UBE2L3: variants seen among roughly 807,000 people sequenced by gnomAD.
UBE2L3 encodes ubiquitin conjugating enzyme E2 L3.
A neutral mutation model predicts 17.8 loss-of-function variants in UBE2L3; 1 was observed. The observed-to-expected ratio is 0.06, with a 90% CI of 0.02 to 0.27. The LOEUF (loss-of-function observed/expected upper bound fraction) is 0.27. Ranked by LOEUF, UBE2L3 falls within the 10% of genes least tolerant of loss-of-function variation. The pLI, the probability that UBE2L3 is intolerant of heterozygous loss-of-function variation, is 1.00. For synonymous variants in UBE2L3, 44 were observed against 68.5 expected, an observed-to-expected ratio of 0.64 and a Z score of 1.76; for missense variants, 40 against 192.6, an observed-to-expected ratio of 0.21 and a Z score of 4.69.
At chr22:21,571,303 C>G (rs886272547) in intron 1 of UBE2L3, among the ~76,000 whole-genome samples, 1 of 152,212 alleles carries the variant, frequency 6.6e-6, no homozygotes, top group Non-Finnish European at 1.5e-5. Context: ...ACACTGCACA[C>G]ATTTCCCCTA....
intron 1 of UBE2L3, among the ~76,000 whole-genome samples, chr22:21,584,649 C>T (rs1432862844): frequency 6.7e-6 from 1 of 150,204 alleles, no homozygotes; most frequent in Non-Finnish European, 1.5e-5. Flanking sequence ...CCAGGCTGGT[C>T]TCCAACTCCT....
chr22:21,589,647 T>A (rs1030012378), intron 1 of UBE2L3, among the ~76,000 whole-genome samples: 3 of 152,144 alleles, frequency 2.0e-5, no homozygotes, highest in Non-Finnish European at 4.4e-5. Flanking sequence ...CAGAGTCGTA[T>A]CTGGATGCCA....
chr22:21,607,690 ACT>A (rs890737177), intron 2 of UBE2L3, among the ~76,000 whole-genome samples: 36 of 151,450 alleles, frequency 2.4e-4, no homozygotes, highest in African/African-American at 7.5e-4. Flanking sequence ...AGGCCAAAAG[ACT>A]CTTTGCTGAG....
intron 1 of UBE2L3, among the ~76,000 whole-genome samples, chr22:21,573,050 A>G (rs923212959): frequency 6.6e-6 from 1 of 152,072 alleles, no homozygotes; most frequent in African/African-American, 2.4e-5. Flanking sequence ...TGTTTGTGGT[A>G]GACACCTGCA....
At chr22:21,618,853 A>C (rs1259670145) in intron 3 of UBE2L3, among the ~76,000 whole-genome samples, 1 of 151,800 alleles carries the variant, frequency 6.6e-6, no homozygotes, top group African/African-American at 2.4e-5. Context: ...TGGCCTCCCA[A>C]AGTGCTGGGA....
At chr22:21,579,635 T>C (rs552294657) in intron 1 of UBE2L3, among the ~76,000 whole-genome samples, 30 of 152,010 alleles carry the variant, frequency 2.0e-4, no homozygotes, top group Non-Finnish European at 3.7e-4. Context: ...ACTGGGCATA[T>C]TGGCACATGC....
At chr22:21,595,629 A>C (rs1352811115) in intron 2 of UBE2L3, among the ~76,000 whole-genome samples, 3 of 151,682 alleles carry the variant, frequency 2.0e-5, no homozygotes, top group African/African-American at 7.3e-5. Flanking sequence ...TGCCAACGCA[A>C]CTCTGGTCTA....
intron 3 of UBE2L3, among the ~76,000 whole-genome samples, chr22:21,612,932 C>G (rs1003176054): frequency 6.6e-6 from 1 of 152,152 alleles, no homozygotes; most frequent in Non-Finnish European, 1.5e-5. Flanking sequence ...CCATCATGCC[C>G]GGCGAGCCTG....
chr22:21,605,104 T>C, intron 2 of UBE2L3, among the ~76,000 whole-genome samples: 1 of 152,230 alleles, frequency 6.6e-6, no homozygotes, highest in Non-Finnish European at 1.5e-5. Flanking sequence ...TGGCTGGGAC[T>C]ACAGGTGTGC....
At chr22:21,593,347 A>G (rs753417233) in intron 2 of UBE2L3, among the ~76,000 whole-genome samples, 1 of 152,000 alleles carries the variant, frequency 6.6e-6, no homozygotes, top group African/African-American at 2.4e-5. Context: ...TTTTGCATTC[A>G]TGTCTCTAAC....
chr22:21,588,492 G>T lies in UBE2L3; in HGVS notation c.28-4369G>T, dbSNP rs181089926. ...TTTTTTTTTTTTTTTTTTTGAGATA[G>T]GGTCTCACTCTAGTTGCCCTGGCTG... On this transcript the variant is annotated intron_variant, in intron 1 of 3. Transcript: ENST00000342192. 3.6e-3 allele frequency among the ~76,000 whole-genome samples: 465 copies of T among 127,802 alleles called. 2 individuals carry two copies. The highest frequency in any genetic ancestry group is 0.014 in the African/African-American group (444 of 31,870). The allele number at this position is 127,802 out of a possible 152,430, so 83.8% of individuals were successfully genotyped here. A position where few individuals can be genotyped will look rare whatever the true frequency, so the allele number is the denominator to read the frequency against.
chr22:21,610,011 C>T (rs1271447017), intron 2 of UBE2L3, among the ~76,000 whole-genome samples: 3 of 151,988 alleles, frequency 2.0e-5, no homozygotes, highest in Non-Finnish European at 4.4e-5. Context: ...GGGCAACAGA[C>T]TCTGAAAAAA....
chr22:21,586,813 C>T (rs1458702854), intron 1 of UBE2L3, among the ~76,000 whole-genome samples: 1 of 151,548 alleles, frequency 6.6e-6, no homozygotes. Context: ...AGTGATCCAC[C>T]CGCCTCAGCC....
At chr22:21,596,110 C>T (rs1928508792) in intron 2 of UBE2L3, among the ~76,000 whole-genome samples, 1 of 152,160 alleles carries the variant, frequency 6.6e-6, no homozygotes, top group Non-Finnish European at 1.5e-5. Flanking sequence ...GTGATCCACC[C>T]TCCTCAGTCT....
upstream of UBE2L3, among the ~76,000 whole-genome samples, chr22:21,564,077 A>G (rs1601386701): frequency 7.0e-6 from 1 of 143,094 alleles, no homozygotes; most frequent in African/African-American, 2.6e-5. Context: ...ACTCTTTCAC[A>G]CAGGCTTGAG....
chr22:21,568,306 G>GGAA, intron 1 of UBE2L3: 1 of 985,718 alleles, frequency 1.0e-6, no homozygotes, highest in Non-Finnish European at 1.2e-6. Flanking sequence ...AGGTCAGTTT[G>GGAA]TTGGTGGGTC....
chr22:21,620,873 G>C (rs139995572), intron 3 of UBE2L3, among the ~76,000 whole-genome samples: 2 of 152,286 alleles, frequency 1.3e-5, no homozygotes, highest in East Asian at 1.9e-4. Context: ...CCTGAGCCGA[G>C]CATGGTGCTG....
intron 1 of UBE2L3, among the ~76,000 whole-genome samples, chr22:21,572,295 C>T (rs138727474): frequency 0.026 from 3,899 of 151,548 alleles, 69 homozygotes; most frequent in Non-Finnish European, 0.036. Context: ...ATTAGCTGGG[C>T]GTGGTGGTGG....
intron 1 of UBE2L3, among the ~76,000 whole-genome samples, chr22:21,561,498 C>G (rs1178850229): frequency 6.6e-6 from 1 of 152,284 alleles, no homozygotes; most frequent in Non-Finnish European, 1.5e-5. Context: ...GGGAGGATAA[C>G]TTGAGTACAG....
Sources: allele counts gnomAD v4.1 joint callset (sites outside exome capture counted in the v4.1 genomes callset), GRCh38; gene constraint gnomAD v4.1.1; transcripts MANE v1.5; gene names NCBI Gene and HGNC (gene_info 2026-07-23, HGNC 2026-07-21).